The following NFE2L2 variants were observed in gnomAD, a reference collection of about 807,000 sequenced individuals.
NFE2L2 encodes the protein nuclear factor erythroid 2-related factor 2.
NFE2L2 carries 20 observed loss-of-function variants against 49.6 expected under a neutral mutation model. The observed-to-expected ratio is 0.40, with a 90% confidence interval of 0.28 to 0.59. The LOEUF (loss-of-function observed/expected upper bound fraction) is 0.59. Ranked by LOEUF, NFE2L2 falls within the 20% of genes least tolerant of loss-of-function variation. The probability of loss-of-function intolerance (pLI) is 0.40; values close to 1 mark genes in which losing one functional copy is unlikely to be tolerated. For synonymous variants in NFE2L2, 244 were observed against 256.5 expected, an observed-to-expected ratio of 0.95 and a Z score of 0.47; for missense variants, 578 against 714.2, an observed-to-expected ratio of 0.81 and a Z score of 2.17.
chr2:177,256,863 T>C (rs1690545372), intron 1 of NFE2L2, among the ~76,000 whole-genome samples: 2 of 152,230 alleles, frequency 1.3e-5, no homozygotes, highest in South Asian at 4.1e-4. Context: ...TCTTCTGGGC[T>C]TGTTCCCACC....
intron 1 of NFE2L2, among the ~76,000 whole-genome samples, chr2:177,246,355 T>G (rs1449065628): frequency 6.6e-6 from 1 of 152,224 alleles, no homozygotes; most frequent in Non-Finnish European, 1.5e-5. Flanking sequence ...TAAACTCATT[T>G]AGGGCATGAA....
intron 1 of NFE2L2, among the ~76,000 whole-genome samples, chr2:177,249,436 C>G (rs538456270): frequency 6.6e-5 from 10 of 152,090 alleles, no homozygotes; most frequent in Non-Finnish European, 1.5e-4. Context: ...AATGTTGGAG[C>G]TGGATTAGGT....
chr2:177,239,286 T>C (rs1574265216), intron 1 of NFE2L2, among the ~76,000 whole-genome samples: 1 of 152,184 alleles, frequency 6.6e-6, no homozygotes, highest in Admixed American at 6.5e-5. Flanking sequence ...TGACATCTAA[T>C]TGCTCTTCAT....
intron 1 of NFE2L2, among the ~76,000 whole-genome samples, chr2:177,261,918 C>A (rs1159939168): frequency 6.6e-6 from 1 of 151,922 alleles, no homozygotes; most frequent in Non-Finnish European, 1.5e-5. Context: ...TTTTTTCATG[C>A]AGCTTTGTTA....
At chr2:177,264,505 G>A (rs1462512804) in intron 1 of NFE2L2, 27 bp downstream of exon 1, 3 of 1,519,380 alleles carry the variant, frequency 2.0e-6, no homozygotes, top group East Asian at 2.7e-5. Context: ...CGGCACCACC[G>A]CAGGGCCCAG....
At chr2:177,255,218 C>A (rs1690475306) in intron 1 of NFE2L2, among the ~76,000 whole-genome samples, 1 of 152,220 alleles carries the variant, frequency 6.6e-6, no homozygotes, top group African/African-American at 2.4e-5. Flanking sequence ...AAAGACTTTA[C>A]TTCTCAGGAT....
At position 177,233,956 on chromosome 2, in the gene NFE2L2, T is replaced by C. The variant is rs764457367; in HGVS notation, c.312+49A>G. 6 of 1,603,730 alleles carry C rather than the reference T, an allele frequency of 3.7e-6. No homozygotes were observed. In the African/African-American group the frequency reaches 8.1e-5, roughly 22 times the overall value. ...CCAGATATTTTAATTCCTTGCTCAGTGTTTCCTTAAACCTGCCATAACTTT... is the reference window on the plus strand; with the variant it reads ...CCAGATATTTTAATTCCTTGCTCAGCGTTTCCTTAAACCTGCCATAACTTT... On this transcript the variant is annotated intron_variant, in intron 2 of 4. Coordinates refer to ENST00000397062, the MANE Select transcript of NFE2L2 (RefSeq NM_006164.5).
At position 177,246,326 on chromosome 2, in the gene NFE2L2, T is replaced by A. The variant is rs553765716; in HGVS notation, c.46-12055A>T. Among the ~76,000 whole-genome samples the A allele has an allele frequency of 5.3e-5, 8 of 152,326 alleles. No individual in the cohort carries two copies. The East Asian group carries it at 1.5e-3, about 29-fold the overall frequency. ...CCATACTTTGTATGTCTTACAGGAT[T>A]TTCTTACTATGGTCTGACTAAACTC... On this transcript the variant is annotated intron_variant, in intron 1 of 4. Transcript: ENST00000397062.
intron 1 of NFE2L2, among the ~76,000 whole-genome samples, chr2:177,252,209 T>C (rs548840623): frequency 2.0e-5 from 3 of 152,236 alleles, no homozygotes; most frequent in Admixed American, 6.5e-5. Flanking sequence ...ATAACCTCTC[T>C]TTGCCTCAGT....
At chr2:177,245,676 C>G (rs556215544) in intron 1 of NFE2L2, among the ~76,000 whole-genome samples, 1 of 152,060 alleles carries the variant, frequency 6.6e-6, no homozygotes, top group Admixed American at 6.5e-5. Context: ...GTGGCACAAT[C>G]TCAGCTCACT....
chr2:177,239,474 C>T (rs1241180334), intron 1 of NFE2L2, among the ~76,000 whole-genome samples: 1 of 152,104 alleles, frequency 6.6e-6, no homozygotes, highest in African/African-American at 2.4e-5. Context: ...CTCAGGAGTT[C>T]GAGACCAGCC....
chr2:177,263,137 T>A (rs1690799494), intron 1 of NFE2L2, among the ~76,000 whole-genome samples: 1 of 152,246 alleles, frequency 6.6e-6, no homozygotes, highest in African/African-American at 2.4e-5. Flanking sequence ...AATATAAATA[T>A]CTACTTTTAA....
intron 1 of NFE2L2, among the ~76,000 whole-genome samples, chr2:177,241,947 ATG>A (rs766464073): frequency 2.0e-5 from 3 of 152,226 alleles, no homozygotes; most frequent in Non-Finnish European, 2.9e-5. Flanking sequence ...CACCAAGCAG[ATG>A]TGTTTTTAAA....
In NFE2L2 at chr2:177,232,454, C is replaced by T; in HGVS notation, c.532G>A (p.Asp178Asn). 6.2e-7 allele frequency: 1 copy of T among 1,614,138 alleles called. No homozygotes were observed. Among genetic ancestry groups the T allele is most frequent in the Non-Finnish European group, 8.5e-7 (1 of 1,180,012 alleles). ...SVAQVAPVDL[D>N]GMQQDIEQVW... ...TGCTCAATGTCCTGTTGCATACCGT[C>T]TAAATCAACAGGGGCTACCTGAGCA... is the stretch of plus-strand genomic sequence containing the variant. Residue 178 changes from aspartate (D) to asparagine (N), a missense_variant, in exon 4 of 5, where the codon GAC (aspartate) becomes AAC (asparagine). Transcript: ENST00000397062.
chr2:177,261,424 A>T (rs947294093), intron 1 of NFE2L2, among the ~76,000 whole-genome samples: 1 of 152,128 alleles, frequency 6.6e-6, no homozygotes, highest in African/African-American at 2.4e-5. Flanking sequence ...ATCTCAACTT[A>T]CCCACTTTTT....
intron 1 of NFE2L2, among the ~76,000 whole-genome samples, chr2:177,240,310 G>A (rs1294483166): frequency 1.3e-5 from 2 of 152,186 alleles, no homozygotes; most frequent in African/African-American, 2.4e-5. Flanking sequence ...AGATAAGTAG[G>A]GTTTGGGTAG....
At chr2:177,249,494 A>C (rs563847560) in intron 1 of NFE2L2, among the ~76,000 whole-genome samples, 15 of 152,334 alleles carry the variant, frequency 9.8e-5, no homozygotes, top group African/African-American at 2.9e-4. Flanking sequence ...TATGAAGTCC[A>C]TAAGTCTGAA....
intron 3 of NFE2L2, 71 bp from the exon 4 acceptor site, chr2:177,232,654 A>G (rs2105455805): frequency 6.8e-7 from 1 of 1,464,454 alleles, no homozygotes; most frequent in South Asian, 1.2e-5. Flanking sequence ...AGGCACCACT[A>G]CAAAACAAAA....
Position 177,233,975 on chromosome 2 carries a change from T to C in NFE2L2, c.312+30A>G, listed in dbSNP as rs1689653210. ...GCTCAGTGTTTCCTTAAACCTGCCA[T>C]AACTTTCCCAAGAACTGAGTACTCT... On this transcript the variant is annotated intron_variant, in intron 2 of 4. Coordinates refer to ENST00000397062, the MANE Select transcript of NFE2L2 (RefSeq NM_006164.5). The C allele has an allele frequency of 4.3e-6, 7 of 1,611,888 alleles. No individual in the cohort carries two copies. The African/African-American group carries it at 8.0e-5, about 18-fold the overall frequency.
Sources: gnomAD v4.1 joint callset for allele counts (sites outside exome capture counted in the v4.1 genomes callset) on GRCh38, gnomAD v4.1.1 for gene constraint, MANE v1.5 for transcripts, NCBI Gene and HGNC (gene_info 2026-07-23, HGNC 2026-07-21) for gene names.